Variants in DCDC2 observed in about 807,000 individuals in gnomAD.
The protein encoded by DCDC2 is doublecortin domain-containing protein 2.
DCDC2 carries 40 observed loss-of-function variants against 50.2 expected under a neutral mutation model. The ratio of observed to expected loss-of-function variants is 0.80; its 90% CI spans 0.62 to 1.04. The LOEUF is 1.04. DCDC2 is among the 50% of genes least tolerant of loss of function. DCDC2 has a pLI of 0.00. For missense variants in DCDC2, 570 were observed against 581.9 expected (o/e 0.98, Z 0.21); for synonymous variants, 234 against 210.6 (o/e 1.11, Z -0.96).
intron 8 of DCDC2, among the ~76,000 whole-genome samples, chr6:24,184,927 G>A (rs1458303985): frequency 6.6e-6 from 1 of 152,122 alleles, no homozygotes; most frequent in Non-Finnish European, 1.5e-5. Flanking sequence ...ATAATTTACT[G>A]TAACTTTTTA....
At chr6:24,370,456 C>T in the DCDC2 span, among the ~76,000 whole-genome samples, 1 of 152,252 alleles carries the variant, frequency 6.6e-6, no homozygotes, top group African/African-American at 2.4e-5. Flanking sequence ...GCCTGTAATC[C>T]CAGCACTTTG....
chr6:24,188,627 A>C (rs1440485627), intron 8 of DCDC2, among the ~76,000 whole-genome samples: 2 of 152,052 alleles, frequency 1.3e-5, no homozygotes, highest in Non-Finnish European at 2.9e-5. Context: ...TGTGATGAAA[A>C]TTTTTAAGAG....
intron 2 of DCDC2, among the ~76,000 whole-genome samples, chr6:24,342,811 CATTCTTTGTA>C (rs1024294759): frequency 2.6e-5 from 4 of 152,134 alleles, no homozygotes; most frequent in Admixed American, 1.3e-4. Context: ...CTGATTACCA[CATTCTTTGTA>C]AGTATTGAAG....
chr6:24,185,503 A>G (rs994930289), intron 8 of DCDC2, among the ~76,000 whole-genome samples: 4 of 152,100 alleles, frequency 2.6e-5, no homozygotes, highest in African/African-American at 9.7e-5. Context: ...CAACGACACT[A>G]CAATTCAGGG....
chr6:24,313,712 T>C (rs1277856846), intron 2 of DCDC2, among the ~76,000 whole-genome samples: 1 of 152,232 alleles, frequency 6.6e-6, no homozygotes, highest in Non-Finnish European at 1.5e-5. Context: ...GTGCCAACTG[T>C]ACATGATCTA....
intron 2 of DCDC2, among the ~76,000 whole-genome samples, chr6:24,323,730 G>A (rs1457170789): frequency 1.3e-5 from 2 of 151,996 alleles, no homozygotes; most frequent in African/African-American, 4.8e-5. Context: ...ACTACCACCT[G>A]AGGCAACCAG....
chr6:24,244,137 A>G (rs1294350588), intron 7 of DCDC2, among the ~76,000 whole-genome samples: 5 of 152,226 alleles, frequency 3.3e-5, no homozygotes, highest in Admixed American at 3.3e-4. Context: ...CCATGAACAG[A>G]AAATTCTCAA....
chr6:24,338,950 G>A (rs1760106287), intron 2 of DCDC2, among the ~76,000 whole-genome samples: 1 of 152,058 alleles, frequency 6.6e-6, no homozygotes, highest in Admixed American at 6.6e-5. Context: ...AGCAGCTTTT[G>A]GTTGGTTTTA....
At chr6:24,219,994 G>C (rs1173548522) in intron 7 of DCDC2, among the ~76,000 whole-genome samples, 1 of 152,194 alleles carries the variant, frequency 6.6e-6, no homozygotes. Flanking sequence ...ATTCTGTCCT[G>C]TTCTTTCTTA....
At chr6:24,225,213 C>T (rs545536848) in intron 7 of DCDC2, among the ~76,000 whole-genome samples, 332 of 152,186 alleles carry the variant, frequency 2.2e-3, no homozygotes, top group African/African-American at 7.5e-3. Flanking sequence ...ACTCTGGGTG[C>T]TTTTTTTAAA....
intron 8 of DCDC2, among the ~76,000 whole-genome samples, chr6:24,181,895 ACTT>A (rs1358499305): frequency 6.6e-6 from 1 of 152,216 alleles, no homozygotes. Context: ...GAGAATTCCC[ACTT>A]CTTTATTTCA....
chr6:24,272,417 G>A (rs1458695620), intron 7 of DCDC2, among the ~76,000 whole-genome samples: 1 of 152,122 alleles, frequency 6.6e-6, no homozygotes, highest in African/African-American at 2.4e-5. Context: ...AGTACACATT[G>A]CCATTGAGAT....
intron 2 of DCDC2, among the ~76,000 whole-genome samples, chr6:24,350,950 C>T (rs1760358690): frequency 6.6e-6 from 1 of 152,164 alleles, no homozygotes; most frequent in South Asian, 2.1e-4. Flanking sequence ...AACTTATCAA[C>T]TTGTTGAACT....
chr6:24,196,956 GT>G (rs1349600540), intron 8 of DCDC2, among the ~76,000 whole-genome samples: 1 of 152,178 alleles, frequency 6.6e-6, no homozygotes, highest in East Asian at 1.9e-4. Context: ...TGCTTAGGAT[GT>G]AAACGTCAGC....
intron 8 of DCDC2, among the ~76,000 whole-genome samples, chr6:24,202,542 A>AG: frequency 6.6e-6 from 1 of 152,248 alleles, no homozygotes; most frequent in East Asian, 1.9e-4. Context: ...AATGGGCAAA[A>AG]GCTGGAAGCA....
rs931135562 is a variant in DCDC2 at position 24,174,494 on chromosome 6, G to A, written c.*236C>T. On this transcript the variant is annotated 3_prime_UTR_variant, in exon 10 of 10. Transcript: ENST00000378454. ...TTCCAGTGCAAATTCTCCTCTGTCCGTCTTATTTAATATTTCTATATGACT... is the reference window on the plus strand; with the variant it reads ...TTCCAGTGCAAATTCTCCTCTGTCCATCTTATTTAATATTTCTATATGACT... 2.0e-5 allele frequency: 6 copies of A among 299,816 alleles called. No individual in the cohort carries two copies. Among genetic ancestry groups the A allele is most frequent in the East Asian group, 1.1e-4 (2 of 17,714 alleles). The allele number at this position is 299,816 out of a possible 1,614,324, so 18.6% of individuals were successfully genotyped here.
intron 7 of DCDC2, among the ~76,000 whole-genome samples, chr6:24,217,380 C>A (rs1397824259): frequency 6.6e-6 from 1 of 152,206 alleles, no homozygotes; most frequent in Non-Finnish European, 1.5e-5. Context: ...TAATCCAAGG[C>A]TCCAACATTC....
chr6:24,301,504 G>A (rs564608720), intron 4 of DCDC2, among the ~76,000 whole-genome samples: 115 of 151,754 alleles, frequency 7.6e-4, no homozygotes, highest in African/African-American at 2.7e-3. Flanking sequence ...GCTACTATGT[G>A]CCAATGACTG....
chr6:24,175,876 C>T (rs777937740), intron 9 of DCDC2, among the ~76,000 whole-genome samples: 5 of 152,058 alleles, frequency 3.3e-5, no homozygotes, highest in African/African-American at 7.2e-5. Context: ...TCATATATTT[C>T]GGTATGCTTA....
Sources: gnomAD v4.1 joint callset for allele counts (sites outside exome capture counted in the v4.1 genomes callset) on GRCh38, gnomAD v4.1.1 for gene constraint, MANE v1.5 for transcripts, NCBI Gene and HGNC (gene_info 2026-07-23, HGNC 2026-07-21) for gene names.